BANK1: variants seen among roughly 807,000 people sequenced by gnomAD.
BANK1 encodes the protein B cell scaffold protein with ankyrin repeats 1, also known as B-cell scaffold protein with ankyrin repeats.
In BANK1, 95 loss-of-function variants were observed where a neutral mutation model predicts 94.5. The observed-to-expected ratio is 1.00, with a 90% confidence interval of 0.85 to 1.19. The LOEUF (loss-of-function observed/expected upper bound fraction) is 1.19, where lower values mean the gene tolerates loss of function less well. Ranked by LOEUF, BANK1 falls within the 50% of genes most tolerant of loss-of-function variation. BANK1 has a pLI of 0.00. For synonymous variants in BANK1, 334 were observed against 308.4 expected (o/e 1.08, Z -0.87); for missense variants, 987 against 932.2 (o/e 1.06, Z -0.77).
chr4:101,887,732 AT>A (rs1395791549), intron 5 of BANK1, among the ~76,000 whole-genome samples: 6 of 152,176 alleles, frequency 3.9e-5, no homozygotes, highest in African/African-American at 1.4e-4. Context: ...TCAATAATAC[AT>A]ATAAAATCAT....
At chr4:101,995,154 C>G (rs541161521) in intron 7 of BANK1, among the ~76,000 whole-genome samples, 1 of 151,754 alleles carries the variant, frequency 6.6e-6, no homozygotes, top group African/African-American at 2.4e-5. Flanking sequence ...TGTGTCCATG[C>G]GTTCTGATTC....
intron 8 of BANK1, 101 bp downstream of exon 8, chr4:102,021,693 G>T: frequency 2.3e-6 from 1 of 436,264 alleles, no homozygotes; most frequent in Non-Finnish European, 3.9e-6. Flanking sequence ...AGACTGAAGA[G>T]AATGTGGCAC....
chr4:102,020,270 G>A (rs1343882603), intron 7 of BANK1, among the ~76,000 whole-genome samples: 1 of 151,870 alleles, frequency 6.6e-6, no homozygotes, highest in African/African-American at 2.4e-5. Context: ...GAAGCTAATT[G>A]GAAACAAAGA....
intron 11 of BANK1, among the ~76,000 whole-genome samples, chr4:102,051,347 G>C (rs1381994800): frequency 1.8e-4 from 28 of 152,100 alleles, no homozygotes; most frequent in African/African-American, 6.8e-4. Flanking sequence ...GCTCACAAAA[G>C]TTTTTTGTTG....
chr4:101,927,968 A>G (rs985130651), intron 7 of BANK1, among the ~76,000 whole-genome samples: 4 of 151,688 alleles, frequency 2.6e-5, no homozygotes, highest in African/African-American at 4.8e-5. Context: ...CAGATGAGGT[A>G]GTGGACAGCC....
chr4:101,891,980 T>C (rs527607660), intron 5 of BANK1, among the ~76,000 whole-genome samples: 24 of 152,072 alleles, frequency 1.6e-4, no homozygotes, highest in African/African-American at 5.8e-4. Context: ...CAGATAATTC[T>C]AACATCTTTG....
chr4:101,895,436 T>A, intron 6 of BANK1, 26 bp downstream of exon 6: 1 of 1,337,466 alleles, frequency 7.5e-7, no homozygotes, highest in Non-Finnish European at 1.1e-6. Context: ...CTGCATCAAT[T>A]ATTCTTTTTA....
At chr4:102,071,238 C>T in intron 13 of BANK1, 37 bp from the exon 14 acceptor site, 1 of 1,606,434 alleles carries the variant, frequency 6.2e-7, no homozygotes, top group Non-Finnish European at 8.5e-7. Flanking sequence ...AAATATTGAA[C>T]AAAACTCAGT....
intron 5 of BANK1, among the ~76,000 whole-genome samples, chr4:101,874,858 C>A (rs146343456): frequency 6.3e-4 from 96 of 152,230 alleles, no homozygotes; most frequent in African/African-American, 2.3e-3. Context: ...TACAAGGGGG[C>A]AACTAATATT....
At chr4:101,910,479 C>T (rs750139770) in intron 6 of BANK1, among the ~76,000 whole-genome samples, 2 of 151,790 alleles carry the variant, frequency 1.3e-5, no homozygotes, top group African/African-American at 2.4e-5. Flanking sequence ...GTCGGGAGTT[C>T]GAGACCAGCC....
intron 7 of BANK1, among the ~76,000 whole-genome samples, chr4:101,934,677 A>C (rs1723469116): frequency 6.6e-6 from 1 of 151,518 alleles, no homozygotes; most frequent in Non-Finnish European, 1.5e-5. Context: ...AGCCAAAACA[A>C]AACCACTGAC....
At chr4:101,883,662 C>T (rs1179465568) in intron 5 of BANK1, among the ~76,000 whole-genome samples, 1 of 152,192 alleles carries the variant, frequency 6.6e-6, no homozygotes, top group African/African-American at 2.4e-5. Flanking sequence ...TGAGTGCTGC[C>T]TGTAACCAAC....
At chr4:101,887,232 G>T (rs1212887950) in intron 5 of BANK1, among the ~76,000 whole-genome samples, 1 of 152,132 alleles carries the variant, frequency 6.6e-6, no homozygotes, top group Non-Finnish European at 1.5e-5. Flanking sequence ...TAAATCCAGG[G>T]TTTCTTTCTT....
chr4:101,918,327 T>C (rs1722897833), intron 7 of BANK1, 138 bp downstream of exon 7: 6 of 464,928 alleles, frequency 1.3e-5, no homozygotes, highest in Admixed American at 4.0e-5. Context: ...TGAAAACATA[T>C]CAATAATCGT....
intron 7 of BANK1, among the ~76,000 whole-genome samples, chr4:101,920,330 C>A (rs1005169620): frequency 1.3e-4 from 20 of 151,896 alleles, no homozygotes; most frequent in African/African-American, 4.6e-4. Context: ...TGTAAGAAAC[C>A]TGTGTGTTGT....
intron 9 of BANK1, among the ~76,000 whole-genome samples, chr4:102,026,357 A>G (rs1727097658): frequency 6.6e-6 from 1 of 151,014 alleles, no homozygotes. Context: ...TCTTAAGAAG[A>G]CAATTTAGTT....
intron 11 of BANK1, among the ~76,000 whole-genome samples, chr4:102,051,055 T>C (rs1728031245): frequency 6.6e-6 from 1 of 152,128 alleles, no homozygotes; most frequent in Admixed American, 6.6e-5. Context: ...ACATATCCTT[T>C]CTGTGTTCTA....
intron 7 of BANK1, among the ~76,000 whole-genome samples, chr4:101,945,414 C>A (rs1723895311): frequency 6.6e-6 from 1 of 151,890 alleles, no homozygotes. Context: ...CATGCACATG[C>A]CATTTTATTT....
At chr4:101,947,820 A>C (rs1002342432) in intron 7 of BANK1, among the ~76,000 whole-genome samples, 1 of 152,006 alleles carries the variant, frequency 6.6e-6, no homozygotes, top group Non-Finnish European at 1.5e-5. Flanking sequence ...ATTCTCCTTC[A>C]TTACAACAAA....
Sources: gnomAD v4.1 joint callset for allele counts (sites outside exome capture counted in the v4.1 genomes callset) on GRCh38, gnomAD v4.1.1 for gene constraint, MANE v1.5 for transcripts, NCBI Gene and HGNC (gene_info 2026-07-23, HGNC 2026-07-21) for gene names.